The following SLC45A4 variants were observed in gnomAD, a reference collection of about 807,000 sequenced individuals.
The protein encoded by SLC45A4 is polyamine-transporter SLC45A4.
In SLC45A4, 32 loss-of-function variants were observed where a neutral mutation model predicts 63.7. The observed-to-expected ratio is 0.50, with a 90% CI of 0.38 to 0.67. The LOEUF (loss-of-function observed/expected upper bound fraction) is 0.67. SLC45A4 is among the 30% of genes least tolerant of loss of function. SLC45A4 has a pLI of 0.00. For synonymous variants in SLC45A4, 535 were observed against 510.0 expected (o/e 1.05, Z -0.66); for missense variants, 1,027 against 1,157.7 (o/e 0.89, Z 1.64).
chr8:141,292,937 T>C (rs996594239), intron 1 of SLC45A4: 2 of 152,228 alleles, frequency 1.3e-5, no homozygotes, highest in African/African-American at 4.8e-5. Flanking sequence ...AGTGCGCAGA[T>C]GCCTGACTCT....
At chr8:141,238,121 C>T (rs946976906) in intron 2 of SLC45A4, among the ~76,000 whole-genome samples, 1 of 152,202 alleles carries the variant, frequency 6.6e-6, no homozygotes, top group African/African-American at 2.4e-5. Context: ...TGTGCTGCTC[C>T]GTGGACGCCT....
At chr8:141,253,932 C>A (rs1243069735) in intron 2 of SLC45A4, 57 bp downstream of exon 2, 7 of 1,525,082 alleles carry the variant, frequency 4.6e-6, no homozygotes, top group Non-Finnish European at 6.1e-6. Flanking sequence ...AGAGCCACGC[C>A]CAGTCCGCTA....
At chr8:141,305,423 C>G (rs1589872272) in intron 1 of SLC45A4, among the ~76,000 whole-genome samples, 1 of 152,204 alleles carries the variant, frequency 6.6e-6, no homozygotes, top group Admixed American at 6.5e-5. Context: ...TGGTGTTTCA[C>G]TAAGTGCGCC....
intron 1 of SLC45A4, among the ~76,000 whole-genome samples, chr8:141,292,099 C>G (rs1377293202): frequency 6.6e-6 from 1 of 152,240 alleles, no homozygotes; most frequent in South Asian, 2.1e-4. Flanking sequence ...CCAGACCTCA[C>G]GGCCCTACTC....
At chr8:141,224,892 T>C (rs1173311868) in intron 2 of SLC45A4, 1 of 152,278 alleles carries the variant, frequency 6.6e-6, no homozygotes, top group Admixed American at 6.5e-5. Context: ...TATGATCATT[T>C]CTGTTGACAT....
chr8:141,263,787 A>T (rs1966274), intron 1 of SLC45A4, among the ~76,000 whole-genome samples: 90,022 of 143,304 alleles, frequency 0.63, 28,816 homozygotes, highest in East Asian at 0.85. Flanking sequence ...AAAAAAATAA[A>T]AATAATAATA....
At chr8:141,216,805 G>A (rs993462199) in intron 6 of SLC45A4, among the ~76,000 whole-genome samples, 3 of 152,230 alleles carry the variant, frequency 2.0e-5, no homozygotes, top group African/African-American at 7.2e-5. Flanking sequence ...GTGTCTGGAG[G>A]CACCATTGAC....
intron 2 of SLC45A4, chr8:141,228,407 C>T: frequency 1.4e-6 from 2 of 1,449,252 alleles, no homozygotes; most frequent in African/African-American, 1.4e-5. Flanking sequence ...GACGCTGGCG[C>T]TCCAGAAAGC....
Position 141,254,195 on chromosome 8 carries a change from G to A in SLC45A4, c.35C>T (p.Ser12Phe). Residue 12 changes from serine to phenylalanine, a missense_variant, in exon 2 of 9, where the codon TCT (serine) becomes TTT (phenylalanine). Transcript: ENST00000517878. This position sits in a 1 kb window ranked among gnomAD's most constrained non-coding sequence, Gnocchi z 4.5. ...KMAPQNADPE[S>F]MQVQELSVPL... is the part of the protein sequence containing the mutation. ...CACGGATAACTCTTGAACTTGCATA[G>A]ATTCCGGGTCGGCATTCTGCGGAGC... The A allele has an allele frequency of 6.5e-7, 1 of 1,535,488 alleles. No homozygotes were observed.
intron 1 of SLC45A4, among the ~76,000 whole-genome samples, chr8:141,257,525 C>T (rs1304658111): frequency 1.3e-5 from 2 of 152,244 alleles, no homozygotes; most frequent in African/African-American, 2.4e-5. Context: ...GGCTCTTTGT[C>T]CCATTACAGT....
At chr8:141,275,243 C>A (rs28588820) in intron 1 of SLC45A4, among the ~76,000 whole-genome samples, 1 of 151,962 alleles carries the variant, frequency 6.6e-6, no homozygotes, top group South Asian at 2.1e-4. Context: ...CAGAACCAAG[C>A]GTTTTCTTGG....
intron 1 of SLC45A4, among the ~76,000 whole-genome samples, chr8:141,301,530 T>G (rs1335535521): frequency 2.0e-5 from 3 of 151,882 alleles, no homozygotes; most frequent in Non-Finnish European, 4.4e-5. Flanking sequence ...GAGGGTCGCT[T>G]GAGGCCAGGA....
chr8:141,269,058 T>C (rs545271951), intron 1 of SLC45A4, among the ~76,000 whole-genome samples: 1 of 152,330 alleles, frequency 6.6e-6, no homozygotes, highest in South Asian at 2.1e-4. Context: ...CCAGACCCAC[T>C]GGATCAGAGA....
chr8:141,302,799 G>A (rs769219008), intron 1 of SLC45A4, among the ~76,000 whole-genome samples: 1 of 151,996 alleles, frequency 6.6e-6, no homozygotes, highest in Non-Finnish European at 1.5e-5. Flanking sequence ...CTTAATATGC[G>A]ATTTCATCTC....
chr8:141,303,129 T>C (rs546890825), intron 1 of SLC45A4, among the ~76,000 whole-genome samples: 1 of 151,440 alleles, frequency 6.6e-6, no homozygotes, highest in African/African-American at 2.4e-5. Flanking sequence ...TCTCGAGTAG[T>C]TGGGACCACT....
intron 2 of SLC45A4, among the ~76,000 whole-genome samples, chr8:141,222,960 TAC>T (rs1402252787): frequency 6.6e-6 from 1 of 152,206 alleles, no homozygotes; most frequent in Non-Finnish European, 1.5e-5. Context: ...CCCCATACTA[TAC>T]GTCAGTAAAA....
intron 7 of SLC45A4, among the ~76,000 whole-genome samples, chr8:141,214,882 C>A (rs555868121): frequency 3.9e-5 from 6 of 152,082 alleles, no homozygotes; most frequent in Non-Finnish European, 8.8e-5. Flanking sequence ...AAGTCTTGAA[C>A]CCCCACCTCA....
At chr8:141,300,775 T>G (rs1322431163) in intron 1 of SLC45A4, among the ~76,000 whole-genome samples, 1 of 152,246 alleles carries the variant, frequency 6.6e-6, no homozygotes, top group Non-Finnish European at 1.5e-5. Context: ...GTCTTACATT[T>G]TAGCCCAACC....
chr8:141,305,411 G>A (rs1830867526), intron 1 of SLC45A4, among the ~76,000 whole-genome samples: 1 of 152,218 alleles, frequency 6.6e-6, no homozygotes, highest in Non-Finnish European at 1.5e-5. Context: ...CAACCCTTCT[G>A]ATGGTGTTTC....
Sources: gnomAD v4.1 joint callset for allele counts (sites outside exome capture counted in the v4.1 genomes callset) on GRCh38, gnomAD v4.1.1 for gene constraint, Gnocchi (gnomAD v3.1) non-coding constraint, MANE v1.5 for transcripts, NCBI Gene and HGNC (gene_info 2026-07-23, HGNC 2026-07-21) for gene names.